ROR2: variants seen among roughly 807,000 people sequenced by gnomAD.
ROR2 encodes the protein ROR family WNT receptor 2.
A neutral mutation model predicts 74.9 loss-of-function variants in ROR2; 33 were observed. That is an observed-to-expected ratio of 0.44 (90% CI 0.33 to 0.59). The LOEUF (loss-of-function observed/expected upper bound fraction) is 0.59. ROR2 is among the 20% of genes least tolerant of loss of function. The probability of loss-of-function intolerance (pLI) is 0.02; values close to 1 mark genes in which losing one functional copy is unlikely to be tolerated. For missense variants in ROR2, 1,216 were observed against 1,313.8 expected (o/e 0.93, Z 1.15); for synonymous variants, 586 against 558.7 (o/e 1.05, Z -0.69).
At chr9:91,752,245 CAG>C (rs1430797996) in intron 4 of ROR2, among the ~76,000 whole-genome samples, 1 of 152,186 alleles carries the variant, frequency 6.6e-6, no homozygotes, top group African/African-American at 2.4e-5. Flanking sequence ...TTAACACTAA[CAG>C]AAATGAAAAT....
Position 91,724,871 on chromosome 9 carries a change from G to A in ROR2, c.1623C>T (p.Gly541=), listed in dbSNP as rs746790764. 32 of 1,602,126 alleles carry A rather than the reference G, an allele frequency of 2.0e-5. No homozygotes were observed. Among genetic ancestry groups the A allele is most frequent in the East Asian group, 9.0e-5 (4 of 44,690 alleles). Residue 541 remains glycine (G), a synonymous_variant, in exon 9 of 9, where the codon GGC becomes GGT. Coordinates refer to ENST00000375708, the MANE Select transcript of ROR2 (RefSeq NM_004560.4). ...LQHPNVVCLL[G]VVTKDQPLSM... is the part of the protein sequence containing the mutation. The stretch of plus-strand genomic sequence containing the variant: ...TCAGGGGCTGGTCCTTGGTCACCAC[G>A]CCCAGCAGGCAGACGACGTTGGGGT...
chr9:91,823,961 T>G (rs931729561), intron 1 of ROR2, among the ~76,000 whole-genome samples: 2 of 152,244 alleles, frequency 1.3e-5, no homozygotes, highest in African/African-American at 4.8e-5. Context: ...TGTTCTTCCA[T>G]GCCTGTGCTC....
chr9:91,819,811 G>C (rs561761756), intron 1 of ROR2, among the ~76,000 whole-genome samples: 1 of 152,042 alleles, frequency 6.6e-6, no homozygotes, highest in Admixed American at 6.6e-5. Flanking sequence ...GTGTGTGCCT[G>C]TGTTTGTCTG....
chr9:91,835,398 C>T (rs1380221810), intron 1 of ROR2, among the ~76,000 whole-genome samples: 1 of 152,172 alleles, frequency 6.6e-6, no homozygotes, highest in African/African-American at 2.4e-5. Flanking sequence ...TTGCTCTCTT[C>T]TCTGCACACA....
chr9:91,767,966 T>C (rs1431162881), intron 2 of ROR2, among the ~76,000 whole-genome samples: 1 of 151,880 alleles, frequency 6.6e-6, no homozygotes, highest in African/African-American at 2.4e-5. Flanking sequence ...TTAAGAGGAG[T>C]CCTACTTGAT....
At chr9:91,746,324 G>A (rs956265496) in intron 4 of ROR2, among the ~76,000 whole-genome samples, 6 of 152,132 alleles carry the variant, frequency 3.9e-5, no homozygotes, top group South Asian at 2.1e-4. Context: ...TGATCAGCCC[G>A]CCCTGGCCTC....
chr9:91,852,254 TC>T (rs113340741), intron 1 of ROR2, among the ~76,000 whole-genome samples: 4,466 of 152,330 alleles, frequency 0.029, 157 homozygotes, highest in Middle Eastern at 0.088. Flanking sequence ...CCTTGCATTT[TC>T]TAAATAGACA....
intron 1 of ROR2, among the ~76,000 whole-genome samples, chr9:91,854,458 T>C (rs891213577): frequency 6.6e-6 from 1 of 152,234 alleles, no homozygotes; most frequent in Non-Finnish European, 1.5e-5. Context: ...GCTGACCTTC[T>C]GTTCAAAGAC....
chr9:91,940,912 T>C (rs1327497373), intron 1 of ROR2, among the ~76,000 whole-genome samples: 1 of 150,976 alleles, frequency 6.6e-6, no homozygotes, highest in Non-Finnish European at 1.5e-5. Flanking sequence ...GCCTTGAGTC[T>C]TTCTTTTAAC....
chr9:91,927,844 G>A (rs181704070), intron 1 of ROR2, among the ~76,000 whole-genome samples: 142 of 152,200 alleles, frequency 9.3e-4, no homozygotes, highest in African/African-American at 3.2e-3. Flanking sequence ...GATTACAGGC[G>A]TGAGCCACCG....
chr9:91,869,951 T>C (rs928419099), intron 1 of ROR2, among the ~76,000 whole-genome samples: 4 of 152,244 alleles, frequency 2.6e-5, no homozygotes, highest in African/African-American at 9.6e-5. Flanking sequence ...AAGTAGTCAG[T>C]AACCTACAAT....
chr9:91,906,071 T>C lies in ROR2; in HGVS notation c.97+43796A>G, dbSNP rs1242949564. 2.0e-5 allele frequency among the ~76,000 whole-genome samples: 3 copies of C among 149,868 alleles called. 1 individual carries two copies. The highest frequency in any genetic ancestry group is 6.6e-5 in the Admixed American group (1 of 15,090). On this transcript the variant is annotated intron_variant, in intron 1 of 8. Coordinates refer to ENST00000375708, the MANE Select transcript of ROR2 (RefSeq NM_004560.4). ...CTGAGCAGGCATAATAAAGTTAAAC[T>C]CAGAGGGTTTTTAAACCACACCAAA... is the stretch of plus-strand genomic sequence containing the variant.
chr9:91,787,673 A>G (rs1036763028), intron 1 of ROR2, among the ~76,000 whole-genome samples: 1 of 152,214 alleles, frequency 6.6e-6, no homozygotes, highest in Non-Finnish European at 1.5e-5. Context: ...ATAAAAAACA[A>G]AAAGAAAAAA....
In ROR2 at chr9:91,760,633, CA is replaced by C. The variant is rs11405498; in HGVS notation, c.176-3075del. 8.9e-3 allele frequency among the ~76,000 whole-genome samples: 719 copies of C among 80,890 alleles called. 3 individuals are homozygous for C. The highest frequency in any genetic ancestry group is 0.026 in the African/African-American group (575 of 22,424). The allele number at this position is 80,890 out of a possible 152,430, so 53.1% of individuals were successfully genotyped here. A position where few individuals can be genotyped will look rare whatever the true frequency, so the allele number is the denominator to read the frequency against. Reference sequence around the variant, plus strand: ...TGGGTGACAGAGCGAGACTCTGTCTCAAAAAAAAAAAAAAAGAAAAGAAAAA... The same window carrying C: ...TGGGTGACAGAGCGAGACTCTGTCTCAAAAAAAAAAAAAAGAAAAGAAAAA... On this transcript the variant is annotated intron_variant, in intron 2 of 8. Transcript: ENST00000375708.
rs187443480 is a variant in ROR2, at chr9:91,725,977, G to A, written c.1386+564C>T. Among the ~76,000 whole-genome samples the A allele has an allele frequency of 4.6e-5, 7 of 152,340 alleles. No individual in the cohort carries two copies. In the East Asian group the frequency reaches 1.2e-3, roughly 25 times the overall value. Reference sequence around the variant, plus strand: ...TGATGTTACCTACGGCTTGCAATGAGTGTAAATGCCCTTTTACAACACAAC... The same window carrying A: ...TGATGTTACCTACGGCTTGCAATGAATGTAAATGCCCTTTTACAACACAAC... On this transcript the variant is annotated intron_variant, in intron 8 of 8. Coordinates refer to ENST00000375708, the MANE Select transcript of ROR2 (RefSeq NM_004560.4).
chr9:91,726,796 T>TA, intron 7 of ROR2, 53 bp from the exon 8 acceptor site: 1 of 1,568,862 alleles, frequency 6.4e-7, no homozygotes, highest in Non-Finnish European at 8.7e-7. Flanking sequence ...TTTTCTACTC[T>TA]AAGTTCTCTA....
chr9:91,833,463 C>G (rs1828526894), intron 1 of ROR2, among the ~76,000 whole-genome samples: 1 of 152,184 alleles, frequency 6.6e-6, no homozygotes, highest in Admixed American at 6.5e-5. Context: ...AGTCAAATCT[C>G]TTGAGGTCAC....
At chr9:91,792,355 T>C (rs1333378866) in intron 1 of ROR2, among the ~76,000 whole-genome samples, 1 of 137,012 alleles carries the variant, frequency 7.3e-6, no homozygotes, top group Non-Finnish European at 1.5e-5. Context: ...TCGCCCAGGT[T>C]GGAGTGCAGT....
In ROR2 at chr9:91,752,887, C is replaced by T. The variant is rs528927481; in HGVS notation, c.494+3184G>A. 5.3e-5 allele frequency among the ~76,000 whole-genome samples: 8 copies of T among 152,048 alleles called. No homozygotes were observed. In the South Asian group the frequency reaches 1.2e-3, roughly 24 times the overall value. On this transcript the variant is annotated intron_variant, in intron 4 of 8. Coordinates refer to ENST00000375708, the MANE Select transcript of ROR2 (RefSeq NM_004560.4). ...ATGGACAGATGGAGGCTGGATGGAACGATAAGTGATAAAGTTAGCACAGTA... is the reference window on the plus strand; with the variant it reads ...ATGGACAGATGGAGGCTGGATGGAATGATAAGTGATAAAGTTAGCACAGTA...
Sources: allele counts gnomAD v4.1 joint callset (sites outside exome capture counted in the v4.1 genomes callset), GRCh38; gene constraint gnomAD v4.1.1; transcripts MANE v1.5; gene names NCBI Gene and HGNC (gene_info 2026-07-23, HGNC 2026-07-21).